CDH12: variants seen among roughly 807,000 people sequenced by gnomAD.
CDH12 encodes cadherin-12.
CDH12 carries 41 observed loss-of-function variants against 74.1 expected under a neutral mutation model. That is an observed-to-expected ratio of 0.55 (90% CI 0.43 to 0.72). The LOEUF (loss-of-function observed/expected upper bound fraction) is 0.72. Ranked by LOEUF, CDH12 falls within the 30% of genes least tolerant of loss-of-function variation. CDH12 has a pLI of 0.00. For missense variants in CDH12, 945 were observed against 977.2 expected (o/e 0.97, Z 0.44); for synonymous variants, 399 against 355.0 (o/e 1.12, Z -1.39).
intron 1 of CDH12, among the ~76,000 whole-genome samples, chr5:22,704,184 A>C (rs1455405308): frequency 6.6e-6 from 1 of 152,138 alleles, no homozygotes; most frequent in Non-Finnish European, 1.5e-5. Context: ...TACACATGGA[A>C]CTTTTTTGTG....
intron 5 of CDH12, 135 bp downstream of exon 5, chr5:22,078,311 A>G (rs1447506628): frequency 8.4e-6 from 6 of 711,558 alleles, no homozygotes; most frequent in Admixed American, 5.3e-5. Context: ...AGGAAGATAA[A>G]CCAGGTCTCT....
At chr5:21,988,567 AT>A (rs1474802103) in intron 5 of CDH12, among the ~76,000 whole-genome samples, 1 of 151,022 alleles carries the variant, frequency 6.6e-6, no homozygotes, top group Non-Finnish European at 1.5e-5. Context: ...TGAATTCCTA[AT>A]TTTCAGGGTA....
intron 1 of CDH12, among the ~76,000 whole-genome samples, chr5:22,631,446 T>C: frequency 7.3e-6 from 1 of 136,530 alleles, no homozygotes; most frequent in East Asian, 2.0e-4. Context: ...CATAGAATAC[T>C]TTGCAGCCTT....
rs1561268045 is a variant in CDH12 at position 21,880,564 on chromosome 5, C to CCTTCCCTTCT, written c.527-25775_527-25774insAGAAGGGAAG. On this transcript the variant is annotated intron_variant, in intron 6 of 14. Transcript: ENST00000382254. Reference sequence around the variant, plus strand: ...CTTCCTTCCTTCCTTCCTTCCTTCCCTTCTTTCTTTCCTTCCTTCCTTCCT... The same window carrying CCTTCCCTTCT: ...CTTCCTTCCTTCCTTCCTTCCTTCCCCTTCCCTTCTTTCTTTCTTTCCTTCCTTCCTTCCT... Among the ~76,000 whole-genome samples the CCTTCCCTTCT allele has an allele frequency of 3.2e-3, 46 of 14,528 alleles. 4 individuals carry two copies. The highest frequency in any genetic ancestry group is 4.8e-3 in the African/African-American group (40 of 8,414). 9.5% of individuals were successfully genotyped at this position (14,528 alleles called of 152,430 possible). A position where few individuals can be genotyped will look rare whatever the true frequency, so the allele number is the denominator to read the frequency against.
chr5:22,096,083 T>G (rs945684015), intron 4 of CDH12, among the ~76,000 whole-genome samples: 3 of 151,894 alleles, frequency 2.0e-5, no homozygotes, highest in African/African-American at 7.3e-5. Context: ...CTTGCCTCCT[T>G]CACTATGGGC....
intron 6 of CDH12, among the ~76,000 whole-genome samples, chr5:21,920,850 AT>A (rs2150071729): frequency 6.6e-6 from 1 of 152,224 alleles, no homozygotes; most frequent in Non-Finnish European, 1.5e-5. Flanking sequence ...ACCCAAAAAC[AT>A]TTAGGAAAGT....
At chr5:22,624,635 G>A (rs1738172669) in intron 1 of CDH12, among the ~76,000 whole-genome samples, 1 of 152,148 alleles carries the variant, frequency 6.6e-6, no homozygotes, top group Non-Finnish European at 1.5e-5. Flanking sequence ...AGTTAGAATG[G>A]CGATCATTAA....
intron 1 of CDH12, among the ~76,000 whole-genome samples, chr5:22,831,118 T>C (rs565027182): frequency 6.6e-6 from 1 of 152,126 alleles, no homozygotes; most frequent in East Asian, 1.9e-4. Context: ...ATGTTCATAG[T>C]TTAAGTTGAG....
At chr5:22,708,063 T>C (rs1429808850) in intron 1 of CDH12, among the ~76,000 whole-genome samples, 5 of 152,224 alleles carry the variant, frequency 3.3e-5, no homozygotes, top group Non-Finnish European at 7.3e-5. Context: ...CTAGATATGC[T>C]AACACATAGC....
intron 6 of CDH12, among the ~76,000 whole-genome samples, chr5:21,899,410 C>T (rs892635559): frequency 1.3e-5 from 2 of 152,108 alleles, no homozygotes; most frequent in African/African-American, 4.8e-5. Context: ...GAAAGCATGT[C>T]ATGGACATGT....
At chr5:22,560,639 TA>T (rs925953503) in intron 1 of CDH12, among the ~76,000 whole-genome samples, 1 of 151,990 alleles carries the variant, frequency 6.6e-6, no homozygotes, top group Non-Finnish European at 1.5e-5. Flanking sequence ...ATAAAGGTAA[TA>T]AAAAAATCAT....
At chr5:21,922,656 T>C (rs1241163072) in intron 6 of CDH12, among the ~76,000 whole-genome samples, 2 of 152,094 alleles carry the variant, frequency 1.3e-5, no homozygotes, top group East Asian at 3.9e-4. Flanking sequence ...AGAAATATGG[T>C]TTACTAGAAA....
rs562638862 is a variant in CDH12 at position 21,805,164 on chromosome 5, G to A, written c.1003-2744C>T. ...TTAACTTCTATCTTAGAATGTAAAC[G>A]TTTGTACCAATCATTCCCCATTTCC... On this transcript the variant is annotated intron_variant, in intron 9 of 14. Coordinates refer to ENST00000382254, the MANE Select transcript of CDH12 (RefSeq NM_004061.5). Among the ~76,000 whole-genome samples the A allele has an allele frequency of 1.5e-4, 23 of 152,088 alleles. 1 individual carries two copies. In the South Asian group the frequency reaches 3.9e-3, roughly 26 times the overall value.
At chr5:22,544,547 G>A (rs1319458899) in intron 1 of CDH12, among the ~76,000 whole-genome samples, 1 of 152,122 alleles carries the variant, frequency 6.6e-6, no homozygotes, top group African/African-American at 2.4e-5. Flanking sequence ...CAGGCATGGT[G>A]GCTCACACCT....
intron 3 of CDH12, among the ~76,000 whole-genome samples, chr5:22,296,155 TTATAA>T (rs1209253576): frequency 1.3e-5 from 2 of 151,764 alleles, no homozygotes; most frequent in African/African-American, 2.4e-5. Flanking sequence ...ATTAGAAAAA[TTATAA>T]TATATATTTA....
chr5:21,827,961 A>G (rs1748772652), intron 8 of CDH12, among the ~76,000 whole-genome samples: 1 of 152,150 alleles, frequency 6.6e-6, no homozygotes, highest in Non-Finnish European at 1.5e-5. Flanking sequence ...TGTTGTCTTT[A>G]TCTAGGTAAT....
chr5:21,851,043 T>C (rs1166877049), intron 7 of CDH12, among the ~76,000 whole-genome samples: 1 of 151,306 alleles, frequency 6.6e-6, no homozygotes, highest in Non-Finnish European at 1.5e-5. Flanking sequence ...TTATATTGTG[T>C]ATATTTTACC....
chr5:22,342,287 A>T (rs181337413), intron 3 of CDH12, among the ~76,000 whole-genome samples: 5 of 152,328 alleles, frequency 3.3e-5, no homozygotes, highest in Non-Finnish European at 7.3e-5. Context: ...GAAATGAGGA[A>T]AGTGTTCTCA....
At chr5:22,624,477 C>T (rs903926083) in intron 1 of CDH12, among the ~76,000 whole-genome samples, 2 of 152,136 alleles carry the variant, frequency 1.3e-5, no homozygotes, top group African/African-American at 4.8e-5. Flanking sequence ...AAACAAACAA[C>T]CTCCATCAAA....
Sources: allele counts gnomAD v4.1 joint callset (sites outside exome capture counted in the v4.1 genomes callset), GRCh38; gene constraint gnomAD v4.1.1; transcripts MANE v1.5; gene names NCBI Gene and HGNC (gene_info 2026-07-23, HGNC 2026-07-21).